The following IQUB variants were observed in gnomAD, a reference collection of about 807,000 sequenced individuals.
IQUB encodes IQ motif and ubiquitin domain containing.
A neutral mutation model predicts 86.4 loss-of-function variants in IQUB; 86 were observed. The observed-to-expected ratio is 1.00, with a 90% CI of 0.84 to 1.19. IQUB has a LOEUF of 1.19. IQUB is among the 50% of genes most tolerant of loss of function. The pLI is 0.00. For missense variants in IQUB, 946 were observed against 916.9 expected (o/e 1.03, Z -0.41); for synonymous variants, 289 against 304.5 (o/e 0.95, Z 0.53).
At chr7:123,473,363 A>C (rs568462894) in intron 8 of IQUB, among the ~76,000 whole-genome samples, 3 of 152,214 alleles carry the variant, frequency 2.0e-5, no homozygotes, top group African/African-American at 7.2e-5. Context: ...TTAAGCCTGC[A>C]ATTGTGAATA....
At chr7:123,457,270 T>TCTTA in intron 12 of IQUB, 111 bp downstream of exon 12, 1 of 1,455,704 alleles carries the variant, frequency 6.9e-7, no homozygotes, top group Non-Finnish European at 9.0e-7. Flanking sequence ...AAGTTCTGTT[T>TCTTA]CTTAATCTGA....
chr7:123,468,256 G>T (rs1794350359), intron 9 of IQUB, among the ~76,000 whole-genome samples: 1 of 152,166 alleles, frequency 6.6e-6, no homozygotes, highest in African/African-American at 2.4e-5. Flanking sequence ...ATCTAAAATA[G>T]ATAGTAGAGG....
intron 11 of IQUB, 72 bp from the exon 12 acceptor site, chr7:123,457,638 ATAAT>A: frequency 9.1e-7 from 1 of 1,098,472 alleles, no homozygotes; most frequent in Non-Finnish European, 1.3e-6. Flanking sequence ...ACTTGAGCAA[ATAAT>A]TAAATTATAG....
At chr7:123,509,861 T>C (rs1318244301) in intron 3 of IQUB, 40 bp downstream of exon 3, 1 of 1,535,388 alleles carries the variant, frequency 6.5e-7, no homozygotes, top group African/African-American at 1.4e-5. Flanking sequence ...ATGTTAAAAC[T>C]AGAAAAGTCT....
chr7:123,512,342 T>C lies in IQUB; in HGVS notation c.-2A>G, dbSNP rs1796457911. ...ATACTTCTCCTGTTGATTAGACATT[T>C]TCCTGAATTAAGAAAAATAAACACA... On this transcript the variant is annotated splice_region_variant and 5_prime_UTR_variant, in exon 2 of 13. Coordinates refer to ENST00000324698, the MANE Select transcript of IQUB (RefSeq NM_178827.5). The C allele has an allele frequency of 6.5e-7, 1 of 1,532,154 alleles. No homozygotes were observed. The highest frequency in any genetic ancestry group is 8.8e-7 in the Non-Finnish European group (1 of 1,132,758). 94.9% of individuals were successfully genotyped at this position (1,532,154 alleles called of 1,614,324 possible).
intron 8 of IQUB, among the ~76,000 whole-genome samples, chr7:123,475,299 AC>A (rs1489621637): frequency 3.3e-5 from 5 of 152,078 alleles, no homozygotes; most frequent in East Asian, 1.9e-4. Context: ...TTACAAAAAA[AC>A]AAACACAAAA....
intron 7 of IQUB, among the ~76,000 whole-genome samples, chr7:123,495,078 C>T (rs1024428603): frequency 1.3e-5 from 2 of 152,062 alleles, no homozygotes; most frequent in Non-Finnish European, 2.9e-5. Context: ...GAAGTACTGA[C>T]ACTTAATAAT....
rs755647527 is a variant in IQUB, at chr7:123,503,132, A to G, written c.695-16T>C. 8 of 1,610,348 alleles carry G rather than the reference A, an allele frequency of 5.0e-6. 1 individual carries two copies. The South Asian group carries it at 8.8e-5, about 18-fold the overall frequency. On this transcript the variant is annotated splice_polypyrimidine_tract_variant and intron_variant, in intron 4 of 12. Transcript: ENST00000324698. The stretch of plus-strand genomic sequence containing the variant: ...TGATCAAGTCCTGAGAGATAACACC[A>G]AGATTCAATGAAAGCTCAACCAAGA...
intron 1 of IQUB, among the ~76,000 whole-genome samples, chr7:123,524,763 A>C (rs990788328): frequency 2.0e-5 from 3 of 148,360 alleles, no homozygotes; most frequent in African/African-American, 7.5e-5. Flanking sequence ...GAGAGAGGGC[A>C]TCCCTGTCTT....
intron 8 of IQUB, among the ~76,000 whole-genome samples, chr7:123,471,441 T>C (rs1173863772): frequency 1.3e-5 from 2 of 152,232 alleles, no homozygotes; most frequent in Non-Finnish European, 2.9e-5. Flanking sequence ...AATCTTTGCA[T>C]ACAATTTTCC....
chr7:123,458,689 C>T (rs534297686), intron 11 of IQUB, among the ~76,000 whole-genome samples: 4 of 152,034 alleles, frequency 2.6e-5, no homozygotes, highest in Admixed American at 6.6e-5. Context: ...TACAGAATAA[C>T]GTGTTTATTT....
At chr7:123,528,283 G>A (rs960078629) in intron 1 of IQUB, among the ~76,000 whole-genome samples, 20 of 152,278 alleles carry the variant, frequency 1.3e-4, no homozygotes, top group South Asian at 2.1e-4. Context: ...CTTCTGCGTC[G>A]CTCACGCTGG....
At chr7:123,493,720 AATGTGTGTGTATGT>A (rs1795578476) in intron 7 of IQUB, among the ~76,000 whole-genome samples, 1 of 132,660 alleles carries the variant, frequency 7.5e-6, no homozygotes, top group African/African-American at 3.1e-5. Flanking sequence ...CCCTGAGAGA[AATGTGTGTGTATGT>A]GTGTGTGTGT....
chr7:123,506,278 C>T (rs1368732042), intron 3 of IQUB, among the ~76,000 whole-genome samples: 1 of 152,166 alleles, frequency 6.6e-6, no homozygotes. Flanking sequence ...CTTCAAAGGC[C>T]TCCAAACACC....
At chr7:123,493,721 A>ATGTG (rs753344642) in intron 7 of IQUB, among the ~76,000 whole-genome samples, 2,903 of 128,170 alleles carry the variant, frequency 0.023, 27 homozygotes, top group African/African-American at 0.025. Context: ...CCTGAGAGAA[A>ATGTG]TGTGTGTGTA....
At chr7:123,532,888 T>A (rs1390272469) in intron 1 of IQUB, 1 of 152,322 alleles carries the variant, frequency 6.6e-6, no homozygotes, top group African/African-American at 2.4e-5. Flanking sequence ...GCCCCCAAGC[T>A]TGGCGCGGAA....
At chr7:123,509,608 T>A (rs1456542182) in intron 3 of IQUB, among the ~76,000 whole-genome samples, 3 of 152,174 alleles carry the variant, frequency 2.0e-5, no homozygotes, top group Admixed American at 6.6e-5. Flanking sequence ...CATATTTCCA[T>A]GGAAGCGTTT....
At chr7:123,476,959 C>T (rs1239755055) in intron 8 of IQUB, among the ~76,000 whole-genome samples, 3 of 152,136 alleles carry the variant, frequency 2.0e-5, no homozygotes. Context: ...AATGGAAGAA[C>T]ATGCCATGCT....
intron 12 of IQUB, among the ~76,000 whole-genome samples, chr7:123,453,219 T>C (rs998708761): frequency 2.7e-5 from 4 of 149,828 alleles, no homozygotes; most frequent in Non-Finnish European, 4.4e-5. Context: ...GTGTGATGTG[T>C]CTAGCTTTCT....
Sources: gnomAD v4.1 joint callset for allele counts (sites outside exome capture counted in the v4.1 genomes callset) on GRCh38, gnomAD v4.1.1 for gene constraint, MANE v1.5 for transcripts, NCBI Gene and HGNC (gene_info 2026-07-23, HGNC 2026-07-21) for gene names.